ZNF782: variants seen among roughly 807,000 people sequenced by gnomAD.
ZNF782 encodes the protein zinc finger protein 782.
Under a neutral mutation model 13.0 loss-of-function variants are expected in ZNF782, and 12 were observed. The observed-to-expected ratio is 0.92, with a 90% CI of 0.59 to 1.50. The LOEUF (loss-of-function observed/expected upper bound fraction) is 1.50, where lower values mean the gene tolerates loss of function less well. ZNF782 is among the 40% of genes most tolerant of loss of function. The pLI is 0.00. For missense variants in ZNF782, 770 were observed against 822.9 expected (o/e 0.94, Z 0.79); for synonymous variants, 284 against 283.0 (o/e 1.00, Z -0.04).
At chr9:96,881,236 CTTTTGT>C in the ZNF782 span, among the ~76,000 whole-genome samples, 1 of 152,034 alleles carries the variant, frequency 6.6e-6, no homozygotes, top group Non-Finnish European at 1.5e-5. Flanking sequence ...TTGATTTCCT[CTTTTGT>C]TTTTATGTTT....
At chr9:96,925,245 C>T in the ZNF782 span, among the ~76,000 whole-genome samples, 1 of 152,010 alleles carries the variant, frequency 6.6e-6, no homozygotes, top group Admixed American at 6.5e-5. Flanking sequence ...TGGGAGGGCC[C>T]CGCAGGAGAT....
At chr9:96,883,852 T>C in the ZNF782 span, among the ~76,000 whole-genome samples, 1 of 152,248 alleles carries the variant, frequency 6.6e-6, no homozygotes, top group African/African-American at 2.4e-5. Flanking sequence ...ATGAGTTCTC[T>C]GTTTCCTTCT....
upstream of ZNF782, among the ~76,000 whole-genome samples, chr9:96,854,831 A>G (rs1416690642): frequency 6.6e-6 from 1 of 152,150 alleles, no homozygotes; most frequent in Non-Finnish European, 1.5e-5. Context: ...GAAGCTGAAT[A>G]TGGATTGGGA....
chr9:96,886,005 G>A, the ZNF782 span, among the ~76,000 whole-genome samples: 1 of 151,902 alleles, frequency 6.6e-6, no homozygotes, highest in Non-Finnish European at 1.5e-5. Context: ...ATGCCACCAT[G>A]CCCAACTAAG....
intron 3 of ZNF782, among the ~76,000 whole-genome samples, chr9:96,846,187 TA>T (rs1399565465): frequency 6.6e-6 from 1 of 152,104 alleles, no homozygotes; most frequent in African/African-American, 2.4e-5. Flanking sequence ...TGAGAAATGC[TA>T]AAAAGAGTTC....
intron 1 of ZNF782, among the ~76,000 whole-genome samples, chr9:96,870,415 G>T (rs1851810240): frequency 6.6e-6 from 1 of 152,094 alleles, no homozygotes; most frequent in Non-Finnish European, 1.5e-5. Context: ...CATCAAAAAA[G>T]ACAGGAAAAT....
At chr9:96,837,908 T>C (rs951204740) in intron 4 of ZNF782, among the ~76,000 whole-genome samples, 13 of 152,212 alleles carry the variant, frequency 8.5e-5, no homozygotes, top group African/African-American at 3.1e-4. Context: ...TATTTTTTTG[T>C]AGAGACAGAA....
chr9:96,932,652 ATTTT>A, the ZNF782 span, among the ~76,000 whole-genome samples: 1 of 130,118 alleles, frequency 7.7e-6, no homozygotes, highest in African/African-American at 2.8e-5. Flanking sequence ...CCAATCCTTA[ATTTT>A]TTTTTTTTTT....
chr9:96,827,254 C>T, intron 4 of ZNF782, 73 bp from the exon 5 acceptor site: 1 of 1,129,126 alleles, frequency 8.9e-7, no homozygotes, highest in Non-Finnish European at 1.3e-6. Context: ...GAAGAAGGTA[C>T]AGCTTCAGAA....
At chr9:96,853,166 G>T (rs1039859760) in intron 1 of ZNF782, 97 bp from the exon 2 acceptor site, 2 of 152,444 alleles carry the variant, frequency 1.3e-5, no homozygotes, top group African/African-American at 4.8e-5. Context: ...CAATGATGTG[G>T]CCTTTCCTGA....
the ZNF782 span, among the ~76,000 whole-genome samples, chr9:96,909,694 C>G: frequency 6.6e-6 from 1 of 151,932 alleles, no homozygotes; most frequent in African/African-American, 2.4e-5. Flanking sequence ...ATAATTTCCT[C>G]AAATCTGGTC....
the ZNF782 span, chr9:96,887,432 T>A: frequency 1.3e-5 from 2 of 152,144 alleles, no homozygotes; most frequent in African/African-American, 4.8e-5. Context: ...AGGCAATTCT[T>A]CAAGTGGTCT....
chr9:96,920,498 C>G, the ZNF782 span, among the ~76,000 whole-genome samples: 1 of 148,042 alleles, frequency 6.8e-6, no homozygotes, highest in Admixed American at 6.7e-5. Context: ...GATCTCCTGA[C>G]CTCATGATCC....
At chr9:96,833,305 G>A (rs190535614) in intron 4 of ZNF782, among the ~76,000 whole-genome samples, 1 of 152,052 alleles carries the variant, frequency 6.6e-6, no homozygotes, top group African/African-American at 2.4e-5. Context: ...TTTATTCAGA[G>A]CTCCTTTTTA....
the ZNF782 span, chr9:96,890,598 G>A: frequency 7.9e-5 from 12 of 152,352 alleles, no homozygotes; most frequent in Non-Finnish European, 1.5e-4. Context: ...AAGAATCATT[G>A]GGAGATCCAG....
chr9:96,826,724 T>C (rs1362927604), intron 5 of ZNF782, among the ~76,000 whole-genome samples: 1 of 152,132 alleles, frequency 6.6e-6, no homozygotes, highest in Non-Finnish European at 1.5e-5. Context: ...AACAATATGA[T>C]AGGGAACACC....
chr9:96,921,696 A>AT, the ZNF782 span, among the ~76,000 whole-genome samples: 3,839 of 136,344 alleles, frequency 0.028, 145 homozygotes, highest in East Asian at 0.21. Flanking sequence ...CCCCATCTCT[A>AT]TTTTTTTTTT....
chr9:96,873,384 T>A (rs1333102652), intron 1 of ZNF782, among the ~76,000 whole-genome samples: 1 of 152,192 alleles, frequency 6.6e-6, no homozygotes, highest in Non-Finnish European at 1.5e-5. Context: ...AGAGGGGCAC[T>A]GGACATAAAT....
chr9:96,837,538 T>C lies in ZNF782; in HGVS notation c.142+7352A>G, dbSNP rs142446548. ...TTTTCTATTCTTTCATTATCTCTCT[T>C]CTAATCTCTACTATTGTTTCCTTTT... On this transcript the variant is annotated intron_variant, in intron 4 of 5. Coordinates refer to ENST00000481138, the MANE Select transcript of ZNF782 (RefSeq NM_001001662.3). 1.0e-3 allele frequency among the ~76,000 whole-genome samples: 158 copies of C among 152,302 alleles called. 1 individual carries two copies. The highest frequency in any genetic ancestry group is 3.6e-3 in the African/African-American group (151 of 41,578).
Sources: gnomAD v4.1 joint callset for allele counts (sites outside exome capture counted in the v4.1 genomes callset) on GRCh38, gnomAD v4.1.1 for gene constraint, MANE v1.5 for transcripts, NCBI Gene and HGNC (gene_info 2026-07-23, HGNC 2026-07-21) for gene names.